ETHE1: variants seen among roughly 807,000 people sequenced by gnomAD.
The protein encoded by ETHE1 is persulfide dioxygenase ETHE1, mitochondrial.
In ETHE1, 16 loss-of-function variants were observed where a neutral mutation model predicts 25.7. That is an observed-to-expected ratio of 0.62 (90% confidence interval 0.42 to 0.95). The LOEUF (loss-of-function observed/expected upper bound fraction) is 0.95. Ranked by LOEUF, ETHE1 falls within the 40% of genes least tolerant of loss-of-function variation. The pLI, the probability that ETHE1 is intolerant of heterozygous loss-of-function variation, is 0.00. For missense variants in ETHE1, 300 were observed against 333.6 expected (o/e 0.90, Z 0.79); for synonymous variants, 139 against 135.9 (o/e 1.02, Z -0.16).
intron 3 of ETHE1, among the ~76,000 whole-genome samples, chr19:43,521,432 G>A (rs1972136890): frequency 1.3e-5 from 2 of 152,138 alleles, no homozygotes; most frequent in African/African-American, 4.8e-5. Flanking sequence ...CACCCCTGCT[G>A]TCTTTTGTGC....
chr19:43,515,864 C>T (rs943634084), intron 3 of ETHE1, among the ~76,000 whole-genome samples: 4 of 152,122 alleles, frequency 2.6e-5, no homozygotes, highest in Non-Finnish European at 5.9e-5. Flanking sequence ...GCGTGAGCCA[C>T]CGTGACCGGC....
intron 3 of ETHE1, among the ~76,000 whole-genome samples, chr19:43,521,542 G>A (rs1443793831): frequency 1.3e-5 from 2 of 151,902 alleles, no homozygotes; most frequent in African/African-American, 4.8e-5. Context: ...GCCTCAAGAG[G>A]AAGGTGCTGT....
Position 43,526,512 on chromosome 19 carries a change from G to C in ETHE1, c.226+3C>G. On this transcript the variant is annotated splice_donor_region_variant and intron_variant, in intron 2 of 6. Transcript: ENST00000292147. The stretch of plus-strand genomic sequence containing the variant: ...GATCCATGAGTTTGGTCCCCGGACT[G>C]ACCAGCATAGAGCAGCCGCAGCCCC... 1 of 1,612,950 alleles carries C rather than the reference G, an allele frequency of 6.2e-7. No homozygotes were observed. The highest frequency in any genetic ancestry group is 1.1e-5 in the South Asian group (1 of 90,852).
chr19:43,507,814 C>T, intron 6 of ETHE1, 130 bp downstream of exon 6: 1 of 821,610 alleles, frequency 1.2e-6, no homozygotes. Flanking sequence ...CCCAGGAGTC[C>T]AGGCCCCCAG....
At chr19:43,522,692 G>C (rs1442053462) in intron 3 of ETHE1, among the ~76,000 whole-genome samples, 1 of 152,074 alleles carries the variant, frequency 6.6e-6, no homozygotes, top group African/African-American at 2.4e-5. Context: ...TGTTGGTCAG[G>C]CTGGTCTCGA....
intron 3 of ETHE1, among the ~76,000 whole-genome samples, chr19:43,521,015 C>T (rs1286746618): frequency 2.0e-5 from 3 of 152,042 alleles, no homozygotes; most frequent in Non-Finnish European, 4.4e-5. Flanking sequence ...CTAAGATGTT[C>T]ACTTCTCAAT....
chr19:43,523,747 C>A (rs1039780153), intron 3 of ETHE1, among the ~76,000 whole-genome samples: 20 of 151,990 alleles, frequency 1.3e-4, no homozygotes, highest in African/African-American at 4.3e-4. Flanking sequence ...ACCAGCCTGG[C>A]CAACATGGTG....
chr19:43,525,538 C>T (rs1348761360), intron 3 of ETHE1: 1 of 153,144 alleles, frequency 6.5e-6, no homozygotes, highest in Non-Finnish European at 1.5e-5. Flanking sequence ...CTGGCCCTCC[C>T]TCCTTCGGCC....
intron 4 of ETHE1, among the ~76,000 whole-genome samples, chr19:43,510,397 G>A (rs936885149): frequency 2.0e-5 from 3 of 148,048 alleles, no homozygotes; most frequent in African/African-American, 5.0e-5. Context: ...GTGCAGTGGC[G>A]CAATCTTGGC....
chr19:43,510,750 C>T (rs1307195734), intron 4 of ETHE1, among the ~76,000 whole-genome samples: 5 of 151,884 alleles, frequency 3.3e-5, no homozygotes, highest in Non-Finnish European at 7.4e-5. Flanking sequence ...TGTCCCCCAA[C>T]AGCTAAGCCC....
intron 4 of ETHE1, among the ~76,000 whole-genome samples, chr19:43,510,217 T>C (rs192195323): frequency 4.1e-4 from 63 of 152,288 alleles, no homozygotes; most frequent in African/African-American, 8.9e-4. Context: ...TCTGAAACTA[T>C]ACTCGCTTTC....
chr19:43,507,905 C>T (rs1356565793), intron 6 of ETHE1, 39 bp downstream of exon 6: 13 of 1,604,950 alleles, frequency 8.1e-6, no homozygotes, highest in African/African-American at 1.3e-5. Flanking sequence ...CCAGCCCCTC[C>T]TCTCTCAGAC....
chr19:43,510,853 G>A lies in ETHE1; in HGVS notation c.505+584C>T, dbSNP rs75010167. 6.2e-3 allele frequency among the ~76,000 whole-genome samples: 951 copies of A among 152,162 alleles called. 13 individuals carry two copies. The highest frequency in any genetic ancestry group is 0.022 in the African/African-American group (908 of 41,524). The stretch of plus-strand genomic sequence containing the variant: ...TAGGAACTGGGCTGTGCAGAAGGTG[G>A]TGAGCGGTGGGTGAGTGAGCAAAGC... On this transcript the variant is annotated intron_variant, in intron 4 of 6. Coordinates refer to ENST00000292147, the MANE Select transcript of ETHE1 (RefSeq NM_014297.5).
intron 5 of ETHE1, among the ~76,000 whole-genome samples, 175 bp from the exon 6 acceptor site, chr19:43,508,235 C>G (rs777935456): frequency 6.6e-6 from 1 of 152,138 alleles, no homozygotes; most frequent in East Asian, 1.9e-4. Flanking sequence ...TCCCCCAGTT[C>G]CCTAAGCTCC....
intron 1 of ETHE1, 122 bp from the exon 2 acceptor site, chr19:43,526,781 T>A (rs1436917689): frequency 4.5e-6 from 7 of 1,543,096 alleles, no homozygotes; most frequent in Non-Finnish European, 6.1e-6. Context: ...GCCCACTCTT[T>A]CCCCGGGAGT....
intron 4 of ETHE1, among the ~76,000 whole-genome samples, chr19:43,509,517 T>C (rs1217875512): frequency 3.2e-5 from 4 of 125,336 alleles, no homozygotes; most frequent in African/African-American, 3.1e-5. Context: ...AAAAAAAGGC[T>C]GGGCGCGGTG....
At position 43,527,072 on chromosome 19, in the gene ETHE1, C is replaced by T. The variant is rs1436996507; in HGVS notation, c.81+25G>A. The T allele has an allele frequency of 1.9e-6, 3 of 1,548,334 alleles. No individual in the cohort carries two copies. In the South Asian group the frequency reaches 3.5e-5, roughly 18 times the overall value. ...TGCTGCCGCCTAGTGCCCAGCAGTC[C>T]CCTCCTAGGTCCAGCCACCCGCACC... is the stretch of plus-strand genomic sequence containing the variant. On this transcript the variant is annotated intron_variant, in intron 1 of 6. Transcript: ENST00000292147.
At chr19:43,507,911 C>G (rs375984717) in intron 6 of ETHE1, 33 bp downstream of exon 6, 85 of 1,608,082 alleles carry the variant, frequency 5.3e-5, no homozygotes, top group Non-Finnish European at 6.7e-5. Context: ...CCTCCTCTCT[C>G]AGACCCAGAA....
At chr19:43,519,822 C>A (rs1447541027) in intron 3 of ETHE1, among the ~76,000 whole-genome samples, 8 of 152,116 alleles carry the variant, frequency 5.3e-5, no homozygotes, top group Non-Finnish European at 1.2e-4. Flanking sequence ...TAGTACAGAA[C>A]CCTACACACT....
Sources: allele counts gnomAD v4.1 joint callset (sites outside exome capture counted in the v4.1 genomes callset), GRCh38; gene constraint gnomAD v4.1.1; transcripts MANE v1.5; gene names NCBI Gene and HGNC (gene_info 2026-07-23, HGNC 2026-07-21).